Variants in ARF4 observed in about 807,000 individuals in gnomAD.
The protein encoded by ARF4 is ARF GTPase 4.
In ARF4, 5 loss-of-function variants were observed where a neutral mutation model predicts 24.3. The observed-to-expected ratio is 0.21, with a 90% CI of 0.11 to 0.43. The LOEUF (loss-of-function observed/expected upper bound fraction) is 0.43, where lower values mean the gene tolerates loss of function less well. ARF4 is among the 20% of genes least tolerant of loss of function. The pLI is 1.00. For synonymous variants in ARF4, 62 were observed against 73.5 expected (o/e 0.84, Z 0.80); for missense variants, 107 against 213.0 (o/e 0.50, Z 3.10).
intron 1 of ARF4, among the ~76,000 whole-genome samples, chr3:57,595,490 A>C (rs1339752363): frequency 6.6e-6 from 1 of 152,252 alleles, no homozygotes; most frequent in African/African-American, 2.4e-5. Context: ...AGAAACTTTG[A>C]AAGAAAAAAT....
rs369725657 is a variant in ARF4 at position 57,590,089 on chromosome 3, C to CAATG, written c.68-5626_68-5625insCATT. Among the ~76,000 whole-genome samples, 154 of 135,206 alleles carry CAATG rather than the reference C, an allele frequency of 1.1e-3. 1 individual carries two copies. Among genetic ancestry groups the CAATG allele is most frequent in the Non-Finnish European group, 1.7e-3 (108 of 63,768 alleles). 88.7% of individuals were successfully genotyped at this position (135,206 alleles called of 152,430 possible). A position where few individuals can be genotyped will look rare whatever the true frequency, so the allele number is the denominator to read the frequency against. The stretch of plus-strand genomic sequence containing the variant: ...TGGGCAACAGACCAAGACTCTGTCT[C>CAATG]AATAAATAAATAAATAAATAAATAA... On this transcript the variant is annotated intron_variant, in intron 1 of 5. Coordinates refer to ENST00000303436, the MANE Select transcript of ARF4 (RefSeq NM_001660.4).
At chr3:57,574,266 A>G (rs1451271541) in intron 5 of ARF4, among the ~76,000 whole-genome samples, 2 of 151,896 alleles carry the variant, frequency 1.3e-5, no homozygotes, top group Admixed American at 6.6e-5. Flanking sequence ...TGTTTGTTTC[A>G]TTTTTTACCA....
intron 1 of ARF4, among the ~76,000 whole-genome samples, chr3:57,592,571 A>G (rs942840132): frequency 1.3e-5 from 2 of 152,190 alleles, no homozygotes; most frequent in African/African-American, 4.8e-5. Context: ...ATGTGAACTT[A>G]GGTTCTGCTT....
chr3:57,576,504 CTTTTTTTTTTTT>C (rs376750506), intron 4 of ARF4, among the ~76,000 whole-genome samples: 82 of 101,602 alleles, frequency 8.1e-4, no homozygotes, highest in Non-Finnish European at 1.3e-3. Context: ...CTCAACCAAG[CTTTTTTTTTTTT>C]TTTTTTTTTT....
intron 1 of ARF4, among the ~76,000 whole-genome samples, chr3:57,590,151 A>G: frequency 8.8e-6 from 1 of 113,434 alleles, no homozygotes; most frequent in South Asian, 3.3e-4. Context: ...AAACAAAAAA[A>G]GAACATCTAT....
intron 5 of ARF4, among the ~76,000 whole-genome samples, chr3:57,574,405 C>G (rs2069878841): frequency 9.4e-6 from 1 of 106,802 alleles, no homozygotes. Context: ...TAGAGAAGTA[C>G]AAATTTTTTT....
chr3:57,574,854 C>T (rs2069883995), intron 5 of ARF4, among the ~76,000 whole-genome samples: 1 of 151,860 alleles, frequency 6.6e-6, no homozygotes, highest in Admixed American at 6.6e-5. Flanking sequence ...CCCCCATCTC[C>T]ACTTTTTTTT....
chr3:57,576,127 T>A (rs994817268), intron 4 of ARF4, among the ~76,000 whole-genome samples: 2 of 152,076 alleles, frequency 1.3e-5, no homozygotes, highest in African/African-American at 4.8e-5. Context: ...GTTGGCAGTA[T>A]CATGAAATAT....
intron 1 of ARF4, among the ~76,000 whole-genome samples, chr3:57,592,003 A>G (rs573920999): frequency 6.6e-6 from 1 of 152,322 alleles, no homozygotes; most frequent in Admixed American, 6.5e-5. Context: ...CTTTGAATAC[A>G]TATACTAAAA....
intron 5 of ARF4, 32 bp from the exon 6 acceptor site, chr3:57,572,330 A>G: frequency 6.6e-7 from 1 of 1,525,028 alleles, no homozygotes; most frequent in Non-Finnish European, 9.1e-7. Flanking sequence ...ATACTTGATT[A>G]ACAAAGTTAA....
chr3:57,595,760 C>A (rs1036012897), intron 1 of ARF4, among the ~76,000 whole-genome samples: 2 of 152,128 alleles, frequency 1.3e-5, no homozygotes, highest in African/African-American at 2.4e-5. Context: ...ACCAGACTGG[C>A]CAACGTGGTG....
At chr3:57,589,959 CG>C (rs774269859) in intron 1 of ARF4, among the ~76,000 whole-genome samples, 32 of 149,084 alleles carry the variant, frequency 2.1e-4, no homozygotes, top group Non-Finnish European at 3.3e-4. Flanking sequence ...GGCATGGTGG[CG>C]GGCGCCTGTA....
chr3:57,589,605 C>G (rs1262942116), intron 1 of ARF4, among the ~76,000 whole-genome samples: 3 of 151,632 alleles, frequency 2.0e-5, no homozygotes, highest in African/African-American at 7.3e-5. Context: ...GTAAACCCAG[C>G]TACTTGGGAG....
At chr3:57,596,831 G>T in intron 1 of ARF4, 1 of 510,424 alleles carries the variant, frequency 2.0e-6, no homozygotes, top group Non-Finnish European at 3.5e-6. Flanking sequence ...AGGAGAAAAA[G>T]CCGAGTCCAG....
rs1314796359 is a variant in ARF4, at chr3:57,597,235, G to A, written c.-95C>T. The A allele has an allele frequency of 3.4e-5, 41 of 1,220,748 alleles. 1 individual carries two copies. The East Asian group carries it at 7.6e-4, about 23-fold the overall frequency. 75.6% of individuals were successfully genotyped at this position (1,220,748 alleles called of 1,614,324 possible). A position where few individuals can be genotyped will look rare whatever the true frequency, so the allele number is the denominator to read the frequency against. On this transcript the variant is annotated 5_prime_UTR_variant, in exon 1 of 6. Transcript: ENST00000303436. ...AGCTCCCAGGCAAACTAAACGAGAGGGAAGAGAAAGAGCGGAGGAAGAAAG... is the reference window on the plus strand; with the variant it reads ...AGCTCCCAGGCAAACTAAACGAGAGAGAAGAGAAAGAGCGGAGGAAGAAAG...
chr3:57,573,575 T>G (rs935677387), intron 5 of ARF4, among the ~76,000 whole-genome samples: 2 of 152,186 alleles, frequency 1.3e-5, no homozygotes, highest in African/African-American at 4.8e-5. Context: ...CTTGCTTATT[T>G]ATTGATTGAT....
At chr3:57,596,629 G>A (rs2153409682) in intron 1 of ARF4, 1 of 178,216 alleles carries the variant, frequency 5.6e-6, no homozygotes, top group East Asian at 1.7e-4. Context: ...GGAGTATGCA[G>A]GGACTGTACA....
At chr3:57,589,233 G>A (rs1462180302) in intron 1 of ARF4, among the ~76,000 whole-genome samples, 2 of 152,090 alleles carry the variant, frequency 1.3e-5, no homozygotes, top group African/African-American at 2.4e-5. Context: ...GCACCACTGT[G>A]CTTCAGCCTG....
intron 3 of ARF4, among the ~76,000 whole-genome samples, chr3:57,578,184 G>A (rs2069929180): frequency 6.6e-6 from 1 of 152,054 alleles, no homozygotes; most frequent in Non-Finnish European, 1.5e-5. Flanking sequence ...CTTCATCATG[G>A]AAGGAAAAAA....
Sources: gnomAD v4.1 joint callset for allele counts (sites outside exome capture counted in the v4.1 genomes callset) on GRCh38, gnomAD v4.1.1 for gene constraint, MANE v1.5 for transcripts, NCBI Gene and HGNC (gene_info 2026-07-23, HGNC 2026-07-21) for gene names.